Variants in PLEKHA1 observed in about 807,000 individuals in gnomAD.
The protein encoded by PLEKHA1 is pleckstrin homology domain containing A1.
Under a neutral mutation model 52.0 loss-of-function variants are expected in PLEKHA1, and 34 were observed. The ratio of observed to expected loss-of-function variants is 0.65; its 90% CI spans 0.50 to 0.87. The LOEUF (loss-of-function observed/expected upper bound fraction) is 0.87. PLEKHA1 is among the 40% of genes least tolerant of loss of function. PLEKHA1 has a pLI of 0.00. For synonymous variants in PLEKHA1, 163 were observed against 170.7 expected, an observed-to-expected ratio of 0.95 and a Z score of 0.35; for missense variants, 497 against 504.2, an observed-to-expected ratio of 0.99 and a Z score of 0.14.
chr10:122,383,806 T>G (rs910784012), intron 1 of PLEKHA1, among the ~76,000 whole-genome samples: 1 of 152,214 alleles, frequency 6.6e-6, no homozygotes, highest in Admixed American at 6.5e-5. Context: ...TTTGTTTTTA[T>G]TTTTAAAGAA....
chr10:122,416,104 A>G (rs1482540147), intron 7 of PLEKHA1, 102 bp downstream of exon 7: 16 of 1,270,338 alleles, frequency 1.3e-5, no homozygotes, highest in Non-Finnish European at 1.7e-5. Context: ...GAAAGACCCA[A>G]AGTGAGAGAC....
chr10:122,417,557 G>A (rs1216877662), intron 7 of PLEKHA1, among the ~76,000 whole-genome samples: 2 of 149,822 alleles, frequency 1.3e-5, no homozygotes, highest in African/African-American at 2.5e-5. Context: ...GCTGATGCAG[G>A]AGAATTGCTT....
chr10:122,436,426 A>C (rs1450643555), downstream of PLEKHA1: 1 of 152,236 alleles, frequency 6.6e-6, no homozygotes, highest in Non-Finnish European at 1.5e-5. Context: ...AGTAAGTAAC[A>C]GATTGAAATA....
chr10:122,426,539 A>G (rs1486343144), intron 10 of PLEKHA1, among the ~76,000 whole-genome samples: 1 of 152,244 alleles, frequency 6.6e-6, no homozygotes, highest in Non-Finnish European at 1.5e-5. Context: ...ACTAGAAATT[A>G]TTTCCAGAAA....
At chr10:122,408,662 C>T (rs1172355203) in intron 5 of PLEKHA1, among the ~76,000 whole-genome samples, 1 of 152,040 alleles carries the variant, frequency 6.6e-6, no homozygotes, top group Non-Finnish European at 1.5e-5. Context: ...CATAGGATAG[C>T]AATGAAATAA....
At chr10:122,399,965 A>G (rs759435608) in intron 3 of PLEKHA1, among the ~76,000 whole-genome samples, 1 of 152,176 alleles carries the variant, frequency 6.6e-6, no homozygotes, top group Non-Finnish European at 1.5e-5. Context: ...ATTTAGAAAT[A>G]TGTTATTTGG....
chr10:122,409,386 G>A (rs185067055), intron 5 of PLEKHA1, among the ~76,000 whole-genome samples: 4 of 152,280 alleles, frequency 2.6e-5, no homozygotes, highest in Non-Finnish European at 5.9e-5. Flanking sequence ...TGACTGGAGT[G>A]AGGAAAATCA....
In PLEKHA1 at chr10:122,417,889, A is replaced by G. The variant is rs773368228; in HGVS notation, c.613-11A>G. The stretch of plus-strand genomic sequence containing the variant: ...AAACACAAGTCTTATGTCTGTGTTC[A>G]TCTCTGGTAGATGAAAAACTGGAAG... On this transcript the variant is annotated splice_polypyrimidine_tract_variant and intron_variant, in intron 7 of 11. Transcript: ENST00000368990. 2 of 1,603,052 alleles carry G rather than the reference A, an allele frequency of 1.2e-6. No homozygotes were observed. The highest frequency in any genetic ancestry group is 1.7e-6 in the Non-Finnish European group (2 of 1,170,972).
chr10:122,427,055 G>GA, intron 11 of PLEKHA1, 24 bp downstream of exon 11: 1 of 1,590,862 alleles, frequency 6.3e-7, no homozygotes, highest in Non-Finnish European at 8.6e-7. Flanking sequence ...TCTCTGGGGT[G>GA]ATACTCCCTT....
downstream of PLEKHA1, chr10:122,436,843 T>A (rs1324142421): frequency 6.6e-6 from 1 of 152,104 alleles, no homozygotes; most frequent in Non-Finnish European, 1.5e-5. Context: ...GGGTCCTAAG[T>A]GATGGAGAAA....
At chr10:122,439,403 TAA>T in the PLEKHA1 span, 6 of 148,342 alleles carry the variant, frequency 4.0e-5, no homozygotes, top group African/African-American at 1.2e-4. Flanking sequence ...TTTTTTTTTT[TAA>T]ATTTTAAGCT....
Position 122,429,962 on chromosome 10 carries a change from T to C in PLEKHA1, c.*24T>C. 1 of 1,584,656 alleles carries C rather than the reference T, an allele frequency of 6.3e-7. No homozygotes were observed. The highest frequency in any genetic ancestry group is 2.2e-5 in the East Asian group (1 of 44,642). The stretch of plus-strand genomic sequence containing the variant: ...GAGGCAGAAGCGCACGGAGCCTGCC[T>C]GCCTCTGCCGTCCTCAGTTTCCTTT... On this transcript the variant is annotated 3_prime_UTR_variant, in exon 12 of 12. Coordinates refer to ENST00000368990, the MANE Select transcript of PLEKHA1 (RefSeq NM_001001974.4).
intron 1 of PLEKHA1, among the ~76,000 whole-genome samples, chr10:122,383,277 TC>T (rs2096640108): frequency 6.6e-6 from 1 of 151,692 alleles, no homozygotes; most frequent in Non-Finnish European, 1.5e-5. Flanking sequence ...AACATTTTTT[TC>T]TTTTCTTTCT....
intron 8 of PLEKHA1, chr10:122,423,971 A>G: frequency 1.9e-6 from 1 of 538,036 alleles, no homozygotes; most frequent in Admixed American, 4.0e-5. Flanking sequence ...TAATGTGAAT[A>G]AGGGCCGTAT....
At chr10:122,394,847 A>G (rs994665135) in intron 2 of PLEKHA1, among the ~76,000 whole-genome samples, 2 of 151,948 alleles carry the variant, frequency 1.3e-5, no homozygotes, top group African/African-American at 4.8e-5. Context: ...CTCCTTGATT[A>G]TTTTTCTGTG....
At chr10:122,411,966 T>C (rs550748932) in intron 5 of PLEKHA1, 2 of 152,228 alleles carry the variant, frequency 1.3e-5, no homozygotes, top group African/African-American at 4.8e-5. Context: ...AACATTATAA[T>C]TGATGCTGAG....
chr10:122,434,178 T>A (rs1177176071), downstream of PLEKHA1: 1 of 152,204 alleles, frequency 6.6e-6, no homozygotes. Context: ...TGCTATGGTC[T>A]TGTTGATGCT....
At chr10:122,385,219 T>G (rs1261455532) in intron 1 of PLEKHA1, among the ~76,000 whole-genome samples, 1 of 151,752 alleles carries the variant, frequency 6.6e-6, no homozygotes, top group Non-Finnish European at 1.5e-5. Flanking sequence ...TATAGAAATA[T>G]AATTATTTCT....
intron 6 of PLEKHA1, among the ~76,000 whole-genome samples, chr10:122,414,371 G>A (rs1213779250): frequency 2.6e-5 from 4 of 151,854 alleles, no homozygotes; most frequent in Non-Finnish European, 5.9e-5. Flanking sequence ...TAATTTTATT[G>A]CATCATTTAT....
Sources: gnomAD v4.1 joint callset for allele counts (sites outside exome capture counted in the v4.1 genomes callset) on GRCh38, gnomAD v4.1.1 for gene constraint, MANE v1.5 for transcripts, NCBI Gene and HGNC (gene_info 2026-07-23, HGNC 2026-07-21) for gene names.